Variants in ADCK1 observed in about 807,000 individuals in gnomAD.
The protein encoded by ADCK1 is aarF domain containing kinase 1.
In ADCK1, 41 loss-of-function variants were observed where a neutral mutation model predicts 52.3. The observed-to-expected ratio is 0.78, with a 90% CI of 0.61 to 1.02. The LOEUF (loss-of-function observed/expected upper bound fraction) is 1.02. Ranked by LOEUF, ADCK1 falls within the 50% of genes least tolerant of loss-of-function variation. ADCK1 has a pLI of 0.00. For missense variants in ADCK1, 658 were observed against 679.5 expected (o/e 0.97, Z 0.35); for synonymous variants, 250 against 274.6 (o/e 0.91, Z 0.89).
chr14:77,881,306 C>T (rs1476734689), intron 4 of ADCK1, among the ~76,000 whole-genome samples: 1 of 152,132 alleles, frequency 6.6e-6, no homozygotes, highest in East Asian at 1.9e-4. Flanking sequence ...GCAGGCTGCA[C>T]GAGTGTCACC....
intron 1 of ADCK1, among the ~76,000 whole-genome samples, chr14:77,810,133 T>C (rs991553063): frequency 8.6e-5 from 13 of 152,036 alleles, no homozygotes; most frequent in Non-Finnish European, 7.4e-5. Context: ...CTTTTTTTTT[T>C]CTTGAGTCTT....
At chr14:77,927,774 G>A (rs1368128041) in intron 9 of ADCK1, among the ~76,000 whole-genome samples, 2 of 152,224 alleles carry the variant, frequency 1.3e-5, no homozygotes, top group Admixed American at 6.5e-5. Context: ...GAAAGAAAGC[G>A]TTTGGTATGG....
At chr14:77,851,802 A>G (rs2082289674) in intron 3 of ADCK1, among the ~76,000 whole-genome samples, 1 of 152,156 alleles carries the variant, frequency 6.6e-6, no homozygotes, top group Admixed American at 6.5e-5. Context: ...TGTTATAAAC[A>G]CCACATTACA....
chr14:77,924,015 C>T (rs2084123805), intron 7 of ADCK1: 1 of 157,284 alleles, frequency 6.4e-6, no homozygotes, highest in Admixed American at 6.3e-5. Flanking sequence ...TCAGCCCCCT[C>T]ACCCTGTTCT....
intron 3 of ADCK1, among the ~76,000 whole-genome samples, chr14:77,843,149 C>G (rs2082110966): frequency 1.3e-5 from 2 of 152,144 alleles, no homozygotes; most frequent in African/African-American, 2.4e-5. Flanking sequence ...ATCTCAGAAT[C>G]TCAAAATGCT....
At chr14:77,860,180 A>G (rs1035542268) in intron 4 of ADCK1, among the ~76,000 whole-genome samples, 9 of 152,196 alleles carry the variant, frequency 5.9e-5, no homozygotes, top group African/African-American at 2.2e-4. Flanking sequence ...TGCTCCCTGC[A>G]CTTGTGCAAC....
chr14:77,837,015 C>T (rs2081975060), intron 3 of ADCK1, among the ~76,000 whole-genome samples: 1 of 152,030 alleles, frequency 6.6e-6, no homozygotes, highest in African/African-American at 2.4e-5. Context: ...GTCTCGAACT[C>T]CTGACCTTGT....
intron 1 of ADCK1, among the ~76,000 whole-genome samples, chr14:77,801,635 G>A (rs1276277358): frequency 6.6e-6 from 1 of 152,138 alleles, no homozygotes; most frequent in Non-Finnish European, 1.5e-5. Context: ...GTCAGACAAA[G>A]GACCTGTAAG....
chr14:77,878,929 C>CG (rs200920875), intron 4 of ADCK1, among the ~76,000 whole-genome samples: 1 of 151,964 alleles, frequency 6.6e-6, no homozygotes, highest in Non-Finnish European at 1.5e-5. Context: ...TCCCTTCCCC[C>CG]CCCACGAATG....
chr14:77,867,745 T>G (rs1251022566), intron 4 of ADCK1, among the ~76,000 whole-genome samples: 1 of 152,252 alleles, frequency 6.6e-6, no homozygotes, highest in Non-Finnish European at 1.5e-5. Context: ...GTCTGTGCCC[T>G]GCTCCCGGCC....
rs552114183 is a variant in ADCK1 at position 77,811,544 on chromosome 14, C to T, written c.-11-7424C>T. ...TCCTTGCCTAGGTGCAGTGGCTCAACGCCTGTAATCCCAGCACTTTGGGAG... is the reference window on the plus strand; with the variant it reads ...TCCTTGCCTAGGTGCAGTGGCTCAATGCCTGTAATCCCAGCACTTTGGGAG... On this transcript the variant is annotated intron_variant, in intron 1 of 10. Transcript: ENST00000238561. Among the ~76,000 whole-genome samples the T allele has an allele frequency of 6.6e-5, 10 of 152,270 alleles. No homozygotes were observed. The South Asian group carries it at 1.2e-3, about 19-fold the overall frequency.
chr14:77,924,315 C>A, intron 7 of ADCK1, 142 bp from the exon 8 acceptor site: 1 of 1,031,036 alleles, frequency 9.7e-7, no homozygotes, highest in Non-Finnish European at 1.4e-6. Context: ...TCATCTCAAA[C>A]AATCACTCCC....
At chr14:77,807,419 G>A (rs747253450) in intron 1 of ADCK1, among the ~76,000 whole-genome samples, 1 of 151,068 alleles carries the variant, frequency 6.6e-6, no homozygotes, top group Non-Finnish European at 1.5e-5. Context: ...TTGGTTCACT[G>A]CAACCTCCAC....
intron 4 of ADCK1, among the ~76,000 whole-genome samples, chr14:77,869,966 T>A (rs2082740902): frequency 6.6e-6 from 1 of 152,220 alleles, no homozygotes; most frequent in Non-Finnish European, 1.5e-5. Flanking sequence ...CCAGCCCCAC[T>A]TTTCTTTATA....
chr14:77,817,910 T>G (rs560090350), intron 1 of ADCK1, among the ~76,000 whole-genome samples: 7 of 5,200 alleles, frequency 1.3e-3, no homozygotes, highest in African/African-American at 8.9e-3. Flanking sequence ...TAATTTTTTG[T>G]TTTTTTTTTA....
chr14:77,919,145 C>T (rs2083991356), intron 7 of ADCK1, among the ~76,000 whole-genome samples: 2 of 152,168 alleles, frequency 1.3e-5, no homozygotes, highest in South Asian at 4.1e-4. Context: ...CCTCCATCTC[C>T]TCGGTTCAAG....
chr14:77,837,704 T>A (rs2081990553), intron 3 of ADCK1, among the ~76,000 whole-genome samples: 1 of 152,248 alleles, frequency 6.6e-6, no homozygotes. Flanking sequence ...CTGTGTTGTA[T>A]CAGGGCATCA....
At chr14:77,874,598 AG>A in intron 4 of ADCK1, among the ~76,000 whole-genome samples, 1 of 152,250 alleles carries the variant, frequency 6.6e-6, no homozygotes, top group Middle Eastern at 3.4e-3. Flanking sequence ...GTCCACAGGC[AG>A]GGGCTACTGT....
chr14:77,931,472 C>G, intron 9 of ADCK1, 46 bp from the exon 10 acceptor site: 1 of 1,584,150 alleles, frequency 6.3e-7, no homozygotes, highest in Non-Finnish European at 8.6e-7. Flanking sequence ...CCTGGCCCCA[C>G]TGCCCATACC....
Sources: gnomAD v4.1 joint callset for allele counts (sites outside exome capture counted in the v4.1 genomes callset) on GRCh38, gnomAD v4.1.1 for gene constraint, MANE v1.5 for transcripts, NCBI Gene and HGNC (gene_info 2026-07-23, HGNC 2026-07-21) for gene names.